Variants in ZBTB25 observed in about 807,000 individuals in gnomAD.
The protein encoded by ZBTB25 is zinc finger and BTB domain-containing protein 25.
ZBTB25 carries 20 observed loss-of-function variants against 34.2 expected under a neutral mutation model. The ratio of observed to expected loss-of-function variants is 0.58; its 90% CI spans 0.41 to 0.85. The LOEUF (loss-of-function observed/expected upper bound fraction) is 0.85. Among genes scored for constraint, ZBTB25 ranks in the 40% least tolerant of loss-of-function variants. The probability of loss-of-function intolerance (pLI) is 0.00; values close to 1 mark genes in which losing one functional copy is unlikely to be tolerated. For missense variants in ZBTB25, 437 were observed against 521.8 expected (o/e 0.84, Z 1.58); for synonymous variants, 175 against 186.4 (o/e 0.94, Z 0.50).
chr14:64,486,081 C>T lies in ZBTB25; in HGVS notation c.*842G>A, dbSNP rs1024195910. ...TTGGGAGGCCAAGGCGGGCAGATGA[C>T]GAGGTCAGGAGATCGAGACCATCCT... On this transcript the variant is annotated 3_prime_UTR_variant, in exon 3 of 3. Transcript: ENST00000608382. 2 of 897,020 alleles carry T rather than the reference C, an allele frequency of 2.2e-6. No individual in the cohort carries two copies. Among genetic ancestry groups the T allele is most frequent in the Non-Finnish European group, 2.7e-6 (2 of 750,074 alleles). 55.6% of individuals were successfully genotyped at this position (897,020 alleles called of 1,614,324 possible).
chr14:64,492,489 G>A (rs910454417), intron 1 of ZBTB25, among the ~76,000 whole-genome samples: 5 of 151,878 alleles, frequency 3.3e-5, no homozygotes, highest in African/African-American at 9.7e-5. Flanking sequence ...CACCGTGCCC[G>A]GCCTAACAAA....
intron 1 of ZBTB25, 23 bp from the exon 2 acceptor site, chr14:64,490,563 T>C (rs776460043): frequency 1.1e-5 from 18 of 1,587,076 alleles, no homozygotes; most frequent in Non-Finnish European, 1.5e-5. Context: ...ACAAGATAAA[T>C]GTAGATAGGT....
rs757060068 is a variant in ZBTB25 at position 64,487,745 on chromosome 14, C to T, written c.486G>A (p.Gln162=). Residue 162 remains glutamine (Q), a synonymous_variant, in exon 3 of 3, where the codon CAG becomes CAA. Transcript: ENST00000608382. The part of the protein sequence containing the change: ...SSNSGNRAAV[Q]GDHPQLQLSL... ...ACAACTGCAACTGGGGGTGGTCACC[C>T]TGGACAGCAGCTCTGTTTCCACTGT... The T allele has an allele frequency of 6.2e-6, 10 of 1,614,010 alleles. No homozygotes were observed. The South Asian group carries it at 8.8e-5, about 14-fold the overall frequency.
chr14:64,461,606 G>C (rs1247149371), intron 2 of ZBTB25: 83 of 145,716 alleles, frequency 5.7e-4, no homozygotes, highest in African/African-American at 1.9e-3. Context: ...GGGGGGGTAG[G>C]GGGGTTGGGA....
chr14:64,488,542 T>C (rs1456015570), intron 2 of ZBTB25, among the ~76,000 whole-genome samples: 1 of 152,128 alleles, frequency 6.6e-6, no homozygotes, highest in South Asian at 2.1e-4. Flanking sequence ...GATGAGTGGA[T>C]AAACACAAGA....
At chr14:64,491,205 C>CCTGT (rs1408296035) in intron 1 of ZBTB25, among the ~76,000 whole-genome samples, 3 of 152,180 alleles carry the variant, frequency 2.0e-5, no homozygotes, top group South Asian at 2.1e-4. Context: ...GTGGCTCATG[C>CCTGT]CTGTAATCCC....
chr14:64,466,248 T>A (rs917507163), intron 2 of ZBTB25, among the ~76,000 whole-genome samples: 1 of 152,268 alleles, frequency 6.6e-6, no homozygotes, highest in Non-Finnish European at 1.5e-5. Flanking sequence ...GCGAATCATT[T>A]GCAGTCTGAC....
intron 2 of ZBTB25, chr14:64,454,910 C>G (rs2078442230): frequency 1.9e-6 from 3 of 1,609,434 alleles, no homozygotes; most frequent in African/African-American, 2.7e-5. Context: ...GTGGGCGCAT[C>G]TGCACTTCTC....
At chr14:64,449,698 T>C (rs2078339696) in intron 2 of ZBTB25, 2 of 1,512,698 alleles carry the variant, frequency 1.3e-6, no homozygotes, top group Non-Finnish European at 1.8e-6. Flanking sequence ...GCTACTTCTA[T>C]TAGAGCCCCA....
chr14:64,477,255 C>T (rs1206363436), downstream of ZBTB25, among the ~76,000 whole-genome samples: 1 of 152,202 alleles, frequency 6.6e-6, no homozygotes, highest in East Asian at 1.9e-4. Context: ...AGCCTTCATT[C>T]AATCGAGGCA....
rs752602830 is a variant in ZBTB25 at position 64,449,482 on chromosome 14, C to T, written c.*69G>A. On this transcript the variant is annotated 3_prime_UTR_variant, in exon 3 of 3. Coordinates refer to the ZBTB25 transcript ENST00000555220. The stretch of plus-strand genomic sequence containing the variant: ...GTCTGAGCTGGACCTCATCAGCCGC[C>T]TTTCCAGAGAACATGGGGCTTTTGA... The T allele has an allele frequency of 8.7e-6, 14 of 1,613,902 alleles. No individual in the cohort carries two copies. The African/African-American group carries it at 1.5e-4, about 17-fold the overall frequency.
In ZBTB25 at chr14:64,459,808, T is replaced by C. The variant is rs1252213457; in HGVS notation, c.174-10170A>G. 21 of 1,536,050 alleles carry C rather than the reference T, an allele frequency of 1.4e-5. No individual in the cohort carries two copies. The East Asian group carries it at 4.2e-4, about 30-fold the overall frequency. Reference sequence around the variant, plus strand: ...ACTTTGAAAGTCTGGCCAGTGTCTATTCAGGCCCACTGGGAGTTAGGAAGT... The same window carrying C: ...ACTTTGAAAGTCTGGCCAGTGTCTACTCAGGCCCACTGGGAGTTAGGAAGT... On this transcript the variant is annotated intron_variant, in intron 2 of 2. Coordinates refer to the ZBTB25 transcript ENST00000555220.
chr14:64,500,590 A>G (rs2079457369), intron 1 of ZBTB25, among the ~76,000 whole-genome samples: 1 of 151,994 alleles, frequency 6.6e-6, no homozygotes, highest in Admixed American at 6.6e-5. Flanking sequence ...CTGAGGTCAG[A>G]GTTCAAGACC....
intron 2 of ZBTB25, among the ~76,000 whole-genome samples, chr14:64,488,698 T>C (rs1411301037): frequency 6.6e-6 from 1 of 152,064 alleles, no homozygotes; most frequent in Non-Finnish European, 1.5e-5. Flanking sequence ...ATATCTAGAA[T>C]AGGCAAATTC....
At chr14:64,473,665 C>T (rs1309202149), downstream of ZBTB25, 11 of 166,722 alleles carry the variant, frequency 6.6e-5, no homozygotes, top group African/African-American at 2.7e-4. Context: ...CTTTAGAATC[C>T]CACTGTTTGA....
At chr14:64,492,389 T>G (rs1468190401) in intron 1 of ZBTB25, among the ~76,000 whole-genome samples, 1 of 151,910 alleles carries the variant, frequency 6.6e-6, no homozygotes, top group Non-Finnish European at 1.5e-5. Context: ...GTATTTTTAG[T>G]AGAGACGGGA....
intron 1 of ZBTB25, chr14:64,503,156 GA>G: frequency 1.0e-6 from 1 of 985,496 alleles, no homozygotes; most frequent in South Asian, 4.7e-5. Context: ...GATATGCTTA[GA>G]ACAAGATAAA....
chr14:64,493,577 T>C (rs959554509), intron 1 of ZBTB25, among the ~76,000 whole-genome samples: 1 of 152,084 alleles, frequency 6.6e-6, no homozygotes, highest in African/African-American at 2.4e-5. Context: ...GAGCCTACTA[T>C]GGTATCAAAG....
intron 2 of ZBTB25, among the ~76,000 whole-genome samples, chr14:64,450,513 C>A (rs903430810): frequency 1.3e-5 from 2 of 152,132 alleles, no homozygotes; most frequent in Admixed American, 1.3e-4. Flanking sequence ...CTCTATGATA[C>A]AATAAAGTTA....
Sources: allele counts gnomAD v4.1 joint callset (sites outside exome capture counted in the v4.1 genomes callset), GRCh38; gene constraint gnomAD v4.1.1; transcripts MANE v1.5; gene names NCBI Gene and HGNC (gene_info 2026-07-23, HGNC 2026-07-21).